Variants in RIMS1 observed in about 807,000 individuals in gnomAD.
The protein encoded by RIMS1 is regulating synaptic membrane exocytosis protein 1.
In RIMS1, 83 loss-of-function variants were observed where a neutral mutation model predicts 214.1. That is an observed-to-expected ratio of 0.39 (90% CI 0.32 to 0.47). RIMS1 has a LOEUF of 0.47. Among genes scored for constraint, RIMS1 ranks in the 20% least tolerant of loss-of-function variants. The pLI is 0.99. For synonymous variants in RIMS1, 793 were observed against 786.8 expected (o/e 1.01, Z -0.13); for missense variants, 2,050 against 2,161.8 (o/e 0.95, Z 1.03).
chr6:72,227,406 G>A (rs1389295405), intron 6 of RIMS1, among the ~76,000 whole-genome samples: 1 of 107,886 alleles, frequency 9.3e-6, no homozygotes, highest in East Asian at 2.7e-4. Context: ...TCTACCCTCA[G>A]AAGAAAGAGG....
chr6:72,032,072 G>T (rs1818267953), intron 2 of RIMS1, among the ~76,000 whole-genome samples: 1 of 152,078 alleles, frequency 6.6e-6, no homozygotes, highest in African/African-American at 2.4e-5. Context: ...TCAGGGGAAA[G>T]GAAGGAATGC....
intron 22 of RIMS1, among the ~76,000 whole-genome samples, chr6:72,268,710 A>G (rs2081678160): frequency 6.6e-6 from 1 of 152,194 alleles, no homozygotes. Context: ...TGAATAATGC[A>G]TGTAAAAAGC....
At chr6:72,271,997 C>T (rs1406130830) in intron 22 of RIMS1, among the ~76,000 whole-genome samples, 1 of 152,004 alleles carries the variant, frequency 6.6e-6, no homozygotes, top group Non-Finnish European at 1.5e-5. Context: ...ATAGATGTTC[C>T]TCAATTAATG....
At chr6:71,908,894 A>C (rs900759746) in intron 1 of RIMS1, among the ~76,000 whole-genome samples, 1 of 152,198 alleles carries the variant, frequency 6.6e-6, no homozygotes, top group Admixed American at 6.5e-5. Context: ...TATGTATTTA[A>C]GCCTGTAAGA....
intron 4 of RIMS1, among the ~76,000 whole-genome samples, chr6:72,112,332 C>T (rs530875166): frequency 6.6e-6 from 1 of 152,060 alleles, no homozygotes; most frequent in Non-Finnish European, 1.5e-5. Flanking sequence ...CCCCACCCCA[C>T]TCCCAAAGAC....
rs139383905 is a variant in RIMS1, at chr6:72,323,788, A to G, written c.4131-9812A>G. 4.0e-3 allele frequency among the ~76,000 whole-genome samples: 608 copies of G among 152,070 alleles called. 5 individuals carry two copies. Among genetic ancestry groups the G allele is most frequent in the African/African-American group, 0.014 (568 of 41,544 alleles). ...GCATTATTGTAATCAAAGTACAGAA[A>G]ACTAAAGGAAAACATTTCTTAAAAG... On this transcript the variant is annotated intron_variant, in intron 28 of 33. Transcript: ENST00000521978.
At chr6:72,358,878 A>G (rs117541228) in intron 29 of RIMS1, among the ~76,000 whole-genome samples, 1,929 of 152,322 alleles carry the variant, frequency 0.013, 29 homozygotes, top group Non-Finnish European at 0.017. Context: ...GTCCATAGGT[A>G]GGTCTTCAGA....
intron 22 of RIMS1, among the ~76,000 whole-genome samples, chr6:72,271,957 A>T (rs936146358): frequency 6.6e-6 from 1 of 152,112 alleles, no homozygotes; most frequent in Non-Finnish European, 1.5e-5. Flanking sequence ...TTTTCTTCTG[A>T]TCACAGTGAA....
chr6:72,330,121 G>A (rs1285857011), intron 28 of RIMS1, among the ~76,000 whole-genome samples: 1 of 151,800 alleles, frequency 6.6e-6, no homozygotes, highest in East Asian at 1.9e-4. Context: ...TGAGGCACAA[G>A]TTTGGAAAAT....
chr6:72,271,525 A>G (rs2083373807), intron 22 of RIMS1, among the ~76,000 whole-genome samples: 1 of 151,790 alleles, frequency 6.6e-6, no homozygotes, highest in African/African-American at 2.4e-5. Flanking sequence ...CCTTTTTTAG[A>G]TAGTTAAGCT....
intron 2 of RIMS1, among the ~76,000 whole-genome samples, chr6:72,079,934 G>GT (rs905268328): frequency 1.4e-5 from 2 of 146,362 alleles, no homozygotes; most frequent in African/African-American, 5.0e-5. Flanking sequence ...CCTGACAATC[G>GT]TTTTTTTAAA....
chr6:72,161,714 A>G (rs2045443070), intron 4 of RIMS1, among the ~76,000 whole-genome samples: 1 of 140,512 alleles, frequency 7.1e-6, no homozygotes, highest in African/African-American at 2.5e-5. Context: ...GAGTTTCTTA[A>G]GCCTGAGTTC....
At chr6:72,170,446 C>T (rs898750042) in intron 4 of RIMS1, among the ~76,000 whole-genome samples, 5 of 152,116 alleles carry the variant, frequency 3.3e-5, no homozygotes, top group African/African-American at 7.2e-5. Flanking sequence ...CAGGTTCAAG[C>T]GATGCTCCTG....
chr6:72,178,699 A>G (rs904652515), intron 4 of RIMS1, among the ~76,000 whole-genome samples: 6 of 152,314 alleles, frequency 3.9e-5, no homozygotes, highest in East Asian at 1.9e-4. Context: ...GTTAGCACCT[A>G]TCTTTGCCCT....
At chr6:72,360,668 TTATA>T (rs1371932908) in intron 29 of RIMS1, among the ~76,000 whole-genome samples, 1 of 149,652 alleles carries the variant, frequency 6.7e-6, no homozygotes, top group Non-Finnish European at 1.5e-5. Context: ...CATACTATAT[TTATA>T]TATTTAATAT....
chr6:72,307,771 C>T (rs2095300802), intron 27 of RIMS1, among the ~76,000 whole-genome samples: 1 of 151,856 alleles, frequency 6.6e-6, no homozygotes, highest in African/African-American at 2.4e-5. Context: ...GAAAAGGTAT[C>T]ATTAAATGAT....
intron 28 of RIMS1, among the ~76,000 whole-genome samples, chr6:72,320,916 T>C (rs2096119540): frequency 1.3e-5 from 2 of 152,032 alleles, no homozygotes; most frequent in South Asian, 4.1e-4. Flanking sequence ...TTTTACTTTA[T>C]CTTTTTTATT....
At chr6:72,384,214 A>G (rs555494425) in intron 29 of RIMS1, among the ~76,000 whole-genome samples, 2 of 152,294 alleles carry the variant, frequency 1.3e-5, no homozygotes, top group South Asian at 4.1e-4. Context: ...AAGCTCTACT[A>G]CCACACATCT....
chr6:72,089,046 A>G (rs1207230545), intron 2 of RIMS1, among the ~76,000 whole-genome samples: 1 of 152,138 alleles, frequency 6.6e-6, no homozygotes, highest in East Asian at 1.9e-4. Flanking sequence ...CCCCTGGTAC[A>G]GTGGAAGGAA....
Sources: allele counts gnomAD v4.1 joint callset (sites outside exome capture counted in the v4.1 genomes callset), GRCh38; gene constraint gnomAD v4.1.1; transcripts MANE v1.5; gene names NCBI Gene and HGNC (gene_info 2026-07-23, HGNC 2026-07-21).